DIAPH2: variants seen among roughly 807,000 people sequenced by gnomAD.
DIAPH2 encodes the protein diaphanous related formin 2, also known as protein diaphanous homolog 2.
In DIAPH2, 35 loss-of-function variants were observed where a neutral mutation model predicts 92.7. That is an observed-to-expected ratio of 0.38 (90% CI 0.29 to 0.50). The LOEUF is 0.50. Ranked by LOEUF, DIAPH2 falls within the 20% of genes least tolerant of loss-of-function variation. The pLI is 0.94. For synonymous variants in DIAPH2, 301 were observed against 280.4 expected (o/e 1.07, Z -0.73); for missense variants, 701 against 819.5 (o/e 0.86, Z 1.77).
intron 25 of DIAPH2, among the ~76,000 whole-genome samples, chrX:97,387,063 T>A (rs1195349964): frequency 9.0e-6 from 1 of 111,609 alleles, no homozygotes; most frequent in Non-Finnish European, 1.9e-5. Context: ...TGTTTTTTTG[T>A]TTTTGTTTTG....
At chrX:97,567,171 C>G (rs1464888351) in intron 26 of DIAPH2, among the ~76,000 whole-genome samples, 1 of 112,013 alleles carries the variant, frequency 8.9e-6, no homozygotes, top group Admixed American at 9.5e-5. Context: ...TGAAGTTGTA[C>G]TTCCCTTCTT....
At chrX:96,885,947 GAGTTTAAC>G (rs2065259103) in intron 5 of DIAPH2, among the ~76,000 whole-genome samples, 1 of 111,614 alleles carries the variant, frequency 9.0e-6, no homozygotes, top group Non-Finnish European at 1.9e-5. Context: ...GAAACTTACT[GAGTTTAAC>G]ACAAATTTAT....
chrX:97,084,506 G>A (rs1334628199), intron 19 of DIAPH2, among the ~76,000 whole-genome samples: 1 of 111,081 alleles, frequency 9.0e-6, no homozygotes, highest in Non-Finnish European at 1.9e-5. Context: ...TTCTCCTGGG[G>A]CTTCTTCCTT....
intron 22 of DIAPH2, among the ~76,000 whole-genome samples, chrX:97,159,659 C>T (rs1326756480): frequency 8.9e-6 from 1 of 111,873 alleles, no homozygotes; most frequent in Non-Finnish European, 1.9e-5. Flanking sequence ...GCCACATACG[C>T]AGGTAGGTAA....
chrX:97,462,256 A>G (rs985738353), intron 26 of DIAPH2, among the ~76,000 whole-genome samples: 1 of 112,117 alleles, frequency 8.9e-6, no homozygotes, highest in Non-Finnish European at 1.9e-5. Context: ...AGGACAATAC[A>G]AGAAGCAGAC....
At position 96,961,844 on chromosome X, in the gene DIAPH2, T is replaced by A. The variant is rs139161099; in HGVS notation, c.1936-3249T>A. On this transcript the variant is annotated intron_variant, in intron 16 of 26. Transcript: ENST00000324765. ...TGCATAGTTTCTGAAATCTCTCTTA[T>A]TATTGATGTCTAATTTTATCCCATT... Among the ~76,000 whole-genome samples, 737 of 110,623 alleles carry A rather than the reference T, an allele frequency of 6.7e-3. 7 individuals carry two copies. Among genetic ancestry groups the A allele is most frequent in the African/African-American group, 0.023 (713 of 30,498 alleles).
chrX:97,455,178 T>G (rs770359944), intron 26 of DIAPH2, among the ~76,000 whole-genome samples: 1 of 112,116 alleles, frequency 8.9e-6, no homozygotes, highest in Non-Finnish European at 1.9e-5. Flanking sequence ...CTGTGTGAGG[T>G]TTCTGGATAG....
chrX:97,214,314 G>C (rs761219751), intron 22 of DIAPH2, among the ~76,000 whole-genome samples: 61 of 111,110 alleles, frequency 5.5e-4, no homozygotes, highest in African/African-American at 1.6e-3. Context: ...GTTAAAAGTT[G>C]TAATGTCAAC....
chrX:97,019,824 T>C (rs1444462606), intron 17 of DIAPH2, among the ~76,000 whole-genome samples: 1 of 111,675 alleles, frequency 9.0e-6, no homozygotes, highest in African/African-American at 3.3e-5. Flanking sequence ...AATTTTTCAT[T>C]GGCAATATAA....
intron 17 of DIAPH2, among the ~76,000 whole-genome samples, chrX:96,999,156 G>A (rs1343706017): frequency 1.8e-5 from 2 of 111,024 alleles, no homozygotes; most frequent in African/African-American, 6.6e-5. Flanking sequence ...ATCTTATTTG[G>A]TAGATGAGGA....
At chrX:96,795,368 GGTTAAT>G (rs1309676467) in intron 4 of DIAPH2, among the ~76,000 whole-genome samples, 2 of 109,181 alleles carry the variant, frequency 1.8e-5, no homozygotes, top group Non-Finnish European at 3.8e-5. Context: ...AGTCTATTCT[GGTTAAT>G]GTTCCAGGTT....
intron 4 of DIAPH2, among the ~76,000 whole-genome samples, chrX:96,788,133 G>A (rs2064472440): frequency 9.0e-6 from 1 of 111,706 alleles, no homozygotes; most frequent in South Asian, 3.7e-4. Flanking sequence ...AGTATAGGTA[G>A]TAGTAATAAT....
intron 26 of DIAPH2, among the ~76,000 whole-genome samples, chrX:97,517,101 TCA>T (rs1357239745): frequency 9.8e-5 from 11 of 111,905 alleles, no homozygotes; most frequent in Non-Finnish European, 7.5e-5. Context: ...GTGATGGACC[TCA>T]CAGGTTTTTT....
At chrX:97,114,990 A>G (rs772844603) in intron 21 of DIAPH2, 25 bp downstream of exon 21, 1 of 1,127,209 alleles carries the variant, frequency 8.9e-7, no homozygotes, top group Admixed American at 2.7e-5. Flanking sequence ...TATAATGCTA[A>G]TTTACAACAA....
chrX:97,095,116 T>C (rs1344171123), intron 19 of DIAPH2, among the ~76,000 whole-genome samples: 2 of 63,351 alleles, frequency 3.2e-5, no homozygotes, highest in African/African-American at 1.2e-4. Context: ...TTTTTTTTTT[T>C]TTTTTTTTTT....
At chrX:96,807,767 G>A (rs1317586972) in intron 4 of DIAPH2, among the ~76,000 whole-genome samples, 1 of 107,002 alleles carries the variant, frequency 9.3e-6, no homozygotes, top group Admixed American at 1.0e-4. Flanking sequence ...AAAGGAAAAA[G>A]TGTGCCAGGA....
intron 26 of DIAPH2, among the ~76,000 whole-genome samples, chrX:97,461,442 A>T (rs901221252): frequency 1.8e-5 from 2 of 111,485 alleles, no homozygotes; most frequent in African/African-American, 6.5e-5. Context: ...TCCCGTGCCC[A>T]TAATAACATT....
At chrX:96,842,787 G>T (rs2064945517) in intron 4 of DIAPH2, among the ~76,000 whole-genome samples, 1 of 110,889 alleles carries the variant, frequency 9.0e-6, no homozygotes, top group Admixed American at 9.7e-5. Context: ...GTAGAGTAAA[G>T]AAATATACTT....
chrX:97,348,092 C>T, intron 23 of DIAPH2, 24 bp from the exon 24 acceptor site: 1 of 1,204,984 alleles, frequency 8.3e-7, no homozygotes, highest in Admixed American at 2.2e-5. Context: ...TACTGTTGAG[C>T]CATGTTCCTT....
Sources: gnomAD v4.1 joint callset for allele counts (sites outside exome capture counted in the v4.1 genomes callset) on GRCh38, gnomAD v4.1.1 for gene constraint, MANE v1.5 for transcripts, NCBI Gene and HGNC (gene_info 2026-07-23, HGNC 2026-07-21) for gene names.